The following THSD4 variants were observed in gnomAD, a reference collection of about 807,000 sequenced individuals.
THSD4 encodes thrombospondin type 1 domain containing 4.
THSD4 carries 69 observed loss-of-function variants against 119.0 expected under a neutral mutation model. The observed-to-expected ratio is 0.58, with a 90% CI of 0.48 to 0.71. The LOEUF is 0.71. THSD4 is among the 30% of genes least tolerant of loss of function. THSD4 has a pLI of 0.00. For missense variants in THSD4, 1,393 were observed against 1,391.1 expected (o/e 1.00, Z -0.02); for synonymous variants, 524 against 540.4 (o/e 0.97, Z 0.42).
At chr15:71,439,564 CTA>C (rs2047061653) in intron 7 of THSD4, among the ~76,000 whole-genome samples, 1 of 152,110 alleles carries the variant, frequency 6.6e-6, no homozygotes, top group African/African-American at 2.4e-5. Flanking sequence ...ACATGCACAT[CTA>C]TGTTTATTGC....
At chr15:71,320,616 G>A (rs2045253539) in intron 6 of THSD4, among the ~76,000 whole-genome samples, 1 of 152,172 alleles carries the variant, frequency 6.6e-6, no homozygotes, top group African/African-American at 2.4e-5. Context: ...GCCCAAGAAA[G>A]CCTGTTCCTG....
intron 7 of THSD4, among the ~76,000 whole-genome samples, chr15:71,544,546 C>T (rs1030363004): frequency 2.0e-5 from 3 of 152,170 alleles, no homozygotes; most frequent in Non-Finnish European, 2.9e-5. Flanking sequence ...AACCTTCATG[C>T]ATTGCTGGTG....
At chr15:71,251,551 T>G (rs2044259151) in intron 5 of THSD4, among the ~76,000 whole-genome samples, 1 of 152,200 alleles carries the variant, frequency 6.6e-6, no homozygotes, top group South Asian at 2.1e-4. Flanking sequence ...TAGATTTCTT[T>G]TTTTAAAAGG....
At chr15:71,658,696 C>T (rs933490083) in intron 7 of THSD4, among the ~76,000 whole-genome samples, 3 of 152,018 alleles carry the variant, frequency 2.0e-5, no homozygotes, top group African/African-American at 4.8e-5. Context: ...CTAAAATGTG[C>T]GTGGGGCAGA....
At chr15:71,431,484 GA>G (rs767086347) in intron 7 of THSD4, among the ~76,000 whole-genome samples, 4 of 152,116 alleles carry the variant, frequency 2.6e-5, no homozygotes, top group Non-Finnish European at 5.9e-5. Flanking sequence ...TGGACAACAA[GA>G]CTTAAAATGG....
intron 6 of THSD4, among the ~76,000 whole-genome samples, chr15:71,274,791 G>A (rs535280532): frequency 6.6e-6 from 1 of 152,222 alleles, no homozygotes; most frequent in East Asian, 1.9e-4. Flanking sequence ...TATTCTAGCA[G>A]GTGTAAATGA....
intron 6 of THSD4, among the ~76,000 whole-genome samples, chr15:71,302,600 G>A (rs1360440039): frequency 6.6e-6 from 1 of 152,088 alleles, no homozygotes; most frequent in African/African-American, 2.4e-5. Flanking sequence ...TGGGGTGCTG[G>A]GGGCAGTGAG....
At chr15:71,386,601 C>T (rs932633094) in intron 6 of THSD4, among the ~76,000 whole-genome samples, 3 of 152,140 alleles carry the variant, frequency 2.0e-5, no homozygotes, top group African/African-American at 7.2e-5. Flanking sequence ...ACATTATCTG[C>T]CTTTAATGCA....
chr15:71,606,229 G>C (rs918942098), intron 7 of THSD4, among the ~76,000 whole-genome samples: 4 of 152,156 alleles, frequency 2.6e-5, no homozygotes, highest in African/African-American at 7.2e-5. Context: ...CCCTCTTCTT[G>C]GTTCTTGCGA....
chr15:71,505,827 A>T (rs1417574980), intron 7 of THSD4, among the ~76,000 whole-genome samples: 1 of 152,342 alleles, frequency 6.6e-6, no homozygotes, highest in South Asian at 2.1e-4. Context: ...CTTAGGCTTA[A>T]TGAAGTCTAA....
intron 7 of THSD4, among the ~76,000 whole-genome samples, chr15:71,431,023 A>G (rs1261154925): frequency 6.6e-6 from 1 of 152,230 alleles, no homozygotes; most frequent in Non-Finnish European, 1.5e-5. Flanking sequence ...AAATAACTAC[A>G]TTACCATAAA....
intron 7 of THSD4, among the ~76,000 whole-genome samples, chr15:71,521,100 G>A (rs1450853572): frequency 6.6e-6 from 1 of 152,200 alleles, no homozygotes; most frequent in Non-Finnish European, 1.5e-5. Flanking sequence ...TGAGAAAGGG[G>A]AAATTGTTGT....
At chr15:71,329,846 C>G (rs1412297293) in intron 6 of THSD4, among the ~76,000 whole-genome samples, 1 of 152,114 alleles carries the variant, frequency 6.6e-6, no homozygotes, top group Non-Finnish European at 1.5e-5. Flanking sequence ...TTTAGGAGGC[C>G]AAGGTGGGTG....
intron 7 of THSD4, among the ~76,000 whole-genome samples, chr15:71,526,089 T>C (rs1488352242): frequency 6.6e-6 from 1 of 152,236 alleles, no homozygotes; most frequent in Non-Finnish European, 1.5e-5. Context: ...TCATTGTAAA[T>C]GGCTGAATTT....
intron 6 of THSD4, among the ~76,000 whole-genome samples, chr15:71,315,227 C>A (rs1228181829): frequency 1.3e-5 from 2 of 152,270 alleles, no homozygotes; most frequent in Non-Finnish European, 2.9e-5. Context: ...TACCTGCATT[C>A]ACCTGTGCTC....
chr15:71,256,821 G>C, intron 6 of THSD4, 106 bp downstream of exon 6: 1 of 983,020 alleles, frequency 1.0e-6, no homozygotes, highest in Non-Finnish European at 1.5e-6. Context: ...TGGCTGGGGT[G>C]TCAATAGGGG....
chr15:71,277,641 A>G (rs1453616043), intron 6 of THSD4, among the ~76,000 whole-genome samples: 2 of 152,142 alleles, frequency 1.3e-5, no homozygotes, highest in African/African-American at 2.4e-5. Context: ...TAAGATTACT[A>G]CGTGTGACAT....
intron 11 of THSD4, among the ~76,000 whole-genome samples, chr15:71,738,579 G>C (rs1280401559): frequency 6.6e-6 from 1 of 152,174 alleles, no homozygotes; most frequent in Non-Finnish European, 1.5e-5. Flanking sequence ...AGGTGTGTTG[G>C]CAAAGTCCTG....
At chr15:71,414,401 C>A (rs1208072226) in intron 7 of THSD4, among the ~76,000 whole-genome samples, 2 of 152,208 alleles carry the variant, frequency 1.3e-5, no homozygotes, top group African/African-American at 4.8e-5. Flanking sequence ...GTGTGAAACA[C>A]TGGGGGATTG....
Sources: gnomAD v4.1 joint callset for allele counts (sites outside exome capture counted in the v4.1 genomes callset) on GRCh38, gnomAD v4.1.1 for gene constraint, MANE v1.5 for transcripts, NCBI Gene and HGNC (gene_info 2026-07-23, HGNC 2026-07-21) for gene names.